Variants in IMMP2L observed in about 807,000 individuals in gnomAD.
IMMP2L encodes the protein inner mitochondrial membrane peptidase subunit 2, also known as mitochondrial inner membrane protease subunit 2.
In IMMP2L, 18 loss-of-function variants were observed where a neutral mutation model predicts 19.3. The observed-to-expected ratio is 0.93, with a 90% CI of 0.64 to 1.38. The LOEUF is 1.38. Among genes scored for constraint, IMMP2L ranks in the 40% most tolerant of loss-of-function variants. The pLI is 0.00. For missense variants in IMMP2L, 233 were observed against 218.2 expected, an observed-to-expected ratio of 1.07 and a Z score of -0.43; for synonymous variants, 76 against 73.0, an observed-to-expected ratio of 1.04 and a Z score of -0.21.
rs149214728 is a variant in IMMP2L at position 111,240,722 on chromosome 7, T to C, written c.239+246516A>G. 4.5e-4 allele frequency among the ~76,000 whole-genome samples: 69 copies of C among 152,104 alleles called. 1 individual carries two copies. The highest frequency in any genetic ancestry group is 1.6e-3 in the African/African-American group (66 of 41,534). ...GGCTAGCACTTGTAGGTCTAGGCTA[T>C]TGACCTAATTTATATTGGTAGTCTG... is the stretch of plus-strand genomic sequence containing the variant. On this transcript the variant is annotated intron_variant, in intron 3 of 5. Transcript: ENST00000405709.
intron 3 of IMMP2L, among the ~76,000 whole-genome samples, chr7:111,016,577 A>G (rs1282962015): frequency 1.7e-5 from 2 of 116,002 alleles, no homozygotes; most frequent in Non-Finnish European, 3.2e-5. Flanking sequence ...ATACATACAT[A>G]TACATATATG....
At chr7:110,735,527 G>A (rs1796556766) in intron 5 of IMMP2L, among the ~76,000 whole-genome samples, 1 of 151,826 alleles carries the variant, frequency 6.6e-6, no homozygotes, top group South Asian at 2.1e-4. Context: ...GGGTGTGGTG[G>A]CTTGTGCCTT....
chr7:110,915,161 C>T (rs930459358), intron 4 of IMMP2L, among the ~76,000 whole-genome samples: 2 of 152,182 alleles, frequency 1.3e-5, no homozygotes, highest in African/African-American at 2.4e-5. Flanking sequence ...CAGCATTATT[C>T]ATAATAGCCA....
intron 3 of IMMP2L, chr7:111,124,436 C>G: frequency 6.2e-7 from 1 of 1,613,722 alleles, no homozygotes; most frequent in South Asian, 1.1e-5. Context: ...GTTAAATGGA[C>G]AGCCTTTGTC....
intron 1 of IMMP2L, among the ~76,000 whole-genome samples, chr7:111,533,251 C>T (rs965813198): frequency 6.6e-6 from 1 of 152,070 alleles, no homozygotes; most frequent in African/African-American, 2.4e-5. Context: ...AATGGAACTG[C>T]GATCTCATTT....
intron 3 of IMMP2L, among the ~76,000 whole-genome samples, chr7:111,230,840 G>C (rs1299502247): frequency 1.3e-5 from 2 of 152,018 alleles, no homozygotes; most frequent in Non-Finnish European, 2.9e-5. Context: ...GGGAATATTT[G>C]TAACAAAGGT....
chr7:110,844,343 TAA>T (rs1805423680), intron 5 of IMMP2L, among the ~76,000 whole-genome samples: 1 of 151,930 alleles, frequency 6.6e-6, no homozygotes, highest in African/African-American at 2.4e-5. Context: ...GGAAACTTCA[TAA>T]AAGAGATAAA....
intron 4 of IMMP2L, among the ~76,000 whole-genome samples, chr7:110,933,686 T>A (rs1019803725): frequency 6.6e-6 from 1 of 152,180 alleles, no homozygotes; most frequent in Non-Finnish European, 1.5e-5. Context: ...CAAATCTTAA[T>A]CCATGGATAA....
At chr7:110,868,458 C>A (rs1423682182) in intron 5 of IMMP2L, among the ~76,000 whole-genome samples, 4 of 151,966 alleles carry the variant, frequency 2.6e-5, no homozygotes, top group African/African-American at 4.8e-5. Flanking sequence ...TAATTGTGAT[C>A]ATCAAATCCA....
intron 1 of IMMP2L, among the ~76,000 whole-genome samples, chr7:111,558,768 C>G (rs1251055255): frequency 6.6e-6 from 1 of 152,114 alleles, no homozygotes; most frequent in Non-Finnish European, 1.5e-5. Flanking sequence ...TCCTTAGTAC[C>G]TTTAGGAAAG....
At chr7:111,499,253 T>TGAG (rs1030659916) in intron 2 of IMMP2L, among the ~76,000 whole-genome samples, 2 of 152,054 alleles carry the variant, frequency 1.3e-5, no homozygotes, top group African/African-American at 4.8e-5. Flanking sequence ...TCAGCATAGG[T>TGAG]GAGGATGACA....
chr7:111,376,564 G>T (rs1830693901), intron 3 of IMMP2L, among the ~76,000 whole-genome samples: 1 of 152,010 alleles, frequency 6.6e-6, no homozygotes, highest in African/African-American at 2.4e-5. Flanking sequence ...ATATATATGA[G>T]AATTGAAAAC....
At chr7:111,423,787 A>T (rs760791443) in intron 3 of IMMP2L, among the ~76,000 whole-genome samples, 11 of 151,902 alleles carry the variant, frequency 7.2e-5, no homozygotes, top group Non-Finnish European at 1.5e-4. Context: ...AAGCCAGCAG[A>T]AGGCAAGAAA....
intron 3 of IMMP2L, among the ~76,000 whole-genome samples, chr7:111,452,879 T>C (rs1351391518): frequency 6.6e-6 from 1 of 152,192 alleles, no homozygotes; most frequent in Non-Finnish European, 1.5e-5. Flanking sequence ...ATATTTACTA[T>C]ACCTATTATG....
intron 3 of IMMP2L, among the ~76,000 whole-genome samples, chr7:110,975,734 T>C (rs1563127021): frequency 6.6e-6 from 1 of 152,124 alleles, no homozygotes; most frequent in Non-Finnish European, 1.5e-5. Flanking sequence ...TCCCTTCATA[T>C]GAGTCAAGAG....
At chr7:111,418,179 T>C (rs988792464) in intron 3 of IMMP2L, among the ~76,000 whole-genome samples, 5 of 151,808 alleles carry the variant, frequency 3.3e-5, no homozygotes, top group African/African-American at 1.2e-4. Flanking sequence ...TTGTAATCAG[T>C]TGTGATTTCT....
In IMMP2L at chr7:111,105,295, G is replaced by T. The variant is rs143943028; in HGVS notation, c.240-141730C>A. ...TTTTGCAACAACCTTCTATGAATCTGACATCTAGTTATTTCAGTTAACATC... is the reference window on the plus strand; with the variant it reads ...TTTTGCAACAACCTTCTATGAATCTTACATCTAGTTATTTCAGTTAACATC... On this transcript the variant is annotated intron_variant, in intron 3 of 5. Transcript: ENST00000405709. Among the ~76,000 whole-genome samples the T allele has an allele frequency of 3.0e-4, 46 of 151,922 alleles. 1 individual carries two copies. In the East Asian group the frequency reaches 7.7e-3, roughly 26 times the overall value.
intron 5 of IMMP2L, among the ~76,000 whole-genome samples, chr7:110,717,556 C>G (rs566078387): frequency 1.3e-5 from 2 of 152,318 alleles, no homozygotes; most frequent in East Asian, 3.9e-4. Context: ...TGTATATATC[C>G]ATAGCACCTA....
At chr7:111,008,550 A>G (rs1824557166) in intron 3 of IMMP2L, among the ~76,000 whole-genome samples, 1 of 151,804 alleles carries the variant, frequency 6.6e-6, no homozygotes, top group Admixed American at 6.6e-5. Flanking sequence ...ATCTTTCTCC[A>G]TGATACTTAT....
Sources: allele counts gnomAD v4.1 joint callset (sites outside exome capture counted in the v4.1 genomes callset), GRCh38; gene constraint gnomAD v4.1.1; transcripts MANE v1.5; gene names NCBI Gene and HGNC (gene_info 2026-07-23, HGNC 2026-07-21).